The following COL23A1 variants were observed in gnomAD, a reference collection of about 807,000 sequenced individuals.
COL23A1 encodes the protein collagen type XXIII alpha 1 chain.
A neutral mutation model predicts 99.3 loss-of-function variants in COL23A1; 97 were observed. The observed-to-expected ratio is 0.98, with a 90% CI of 0.83 to 1.16. The LOEUF (loss-of-function observed/expected upper bound fraction) is 1.16, where lower values mean the gene tolerates loss of function less well. COL23A1 is among the 50% of genes most tolerant of loss of function. COL23A1 has a pLI of 0.00. For missense variants in COL23A1, 762 were observed against 757.4 expected, an observed-to-expected ratio of 1.01 and a Z score of -0.07; for synonymous variants, 320 against 308.2, an observed-to-expected ratio of 1.04 and a Z score of -0.40.
chr5:178,531,583 C>T (rs536413054), intron 2 of COL23A1, among the ~76,000 whole-genome samples: 112 of 152,310 alleles, frequency 7.4e-4, no homozygotes, highest in African/African-American at 2.6e-3. Context: ...ATAATCCCCC[C>T]GTGTTTAAGT....
intron 5 of COL23A1, among the ~76,000 whole-genome samples, chr5:178,271,486 C>T (rs1756284735): frequency 6.6e-6 from 1 of 152,200 alleles, no homozygotes; most frequent in African/African-American, 2.4e-5. Context: ...TGTCCCTGTT[C>T]CCACCACATA....
rs1208089062 is a variant in COL23A1, at chr5:178,357,778, ATGTGTATGTGTG to A, written c.362-50871_362-50860del. Among the ~76,000 whole-genome samples, 194 of 137,486 alleles carry A rather than the reference ATGTGTATGTGTG, an allele frequency of 1.4e-3. No individual in the cohort carries two copies. The Middle Eastern group carries it at 0.028, about 20-fold the overall frequency. The allele number at this position is 137,486 out of a possible 152,430, so 90.2% of individuals were successfully genotyped here. On this transcript the variant is annotated intron_variant, in intron 2 of 28. Transcript: ENST00000390654. ...TGTGTGTACGTGTATGTATGTGTGTATGTGTATGTGTGTGTGTATGTGTGTGTGTATGTGTGT... is the reference window on the plus strand; with the variant it reads ...TGTGTGTACGTGTATGTATGTGTGTATGTGTATGTGTGTGTGTATGTGTGT...
chr5:178,560,732 G>C lies in COL23A1; in HGVS notation c.311C>G (p.Ala104Gly), dbSNP rs761808740. 1.9e-6 allele frequency: 3 copies of C among 1,611,656 alleles called. No homozygotes were observed. Among genetic ancestry groups the C allele is most frequent in the Non-Finnish European group, 2.5e-6 (3 of 1,179,414 alleles). ...RLLREKLDGL[A>G]KIRTAREAPS... ...AGCTTCCCGAGCAGTCCGGATCTTC[G>C]CTAGTCCGTCCAACTTCTGAGCCGG... is the stretch of plus-strand genomic sequence containing the variant. Residue 104 changes from alanine (A) to glycine (G), a missense_variant, in exon 2 of 29, where the codon GCG (alanine) becomes GGG (glycine). Ala to Gly is a moderately conservative substitution (Grantham distance 60). Transcript: ENST00000390654.
At chr5:178,573,335 G>A (rs894191022) in intron 1 of COL23A1, among the ~76,000 whole-genome samples, 8 of 152,184 alleles carry the variant, frequency 5.3e-5, no homozygotes, top group African/African-American at 1.7e-4. Flanking sequence ...GCCTGGGTTC[G>A]GTGACAGGTA....
chr5:178,345,783 C>T (rs918319777), intron 2 of COL23A1, among the ~76,000 whole-genome samples: 3 of 152,020 alleles, frequency 2.0e-5, no homozygotes, highest in African/African-American at 7.3e-5. Flanking sequence ...CCTCAGCCTC[C>T]CAAAGTGCTG....
At chr5:178,493,295 C>A (rs1056748083) in intron 2 of COL23A1, among the ~76,000 whole-genome samples, 15 of 152,246 alleles carry the variant, frequency 9.9e-5, no homozygotes, top group African/African-American at 3.6e-4. Flanking sequence ...TCAGTCCACA[C>A]TGAACCCTGC....
chr5:178,327,579 G>A (rs2973689), intron 2 of COL23A1, among the ~76,000 whole-genome samples: 2 of 151,964 alleles, frequency 1.3e-5, no homozygotes, highest in South Asian at 2.1e-4. Context: ...CTGGGGGGCC[G>A]GTGTTGCCAG....
chr5:178,303,922 C>T lies in COL23A1; in HGVS notation c.406+2953G>A, dbSNP rs1016325350. ...CGAGAGAAGGGGAGAGTGATGGACA[C>T]TCTTGGGGATAAGAGGGTCTGGGAG... On this transcript the variant is annotated intron_variant, in intron 3 of 28. Transcript: ENST00000390654. 2.0e-5 allele frequency among the ~76,000 whole-genome samples: 3 copies of T among 152,312 alleles called. No individual in the cohort carries two copies. In the South Asian group the frequency reaches 6.2e-4, roughly 32 times the overall value.
At chr5:178,575,438 T>C (rs1365252925) in intron 1 of COL23A1, among the ~76,000 whole-genome samples, 1 of 152,256 alleles carries the variant, frequency 6.6e-6, no homozygotes, top group East Asian at 1.9e-4. Flanking sequence ...AACAGCAACA[T>C]GTTTTTCGTG....
rs188911099 is a variant in COL23A1 at position 178,308,883 on chromosome 5, C to T, written c.362-1964G>A. Among the ~76,000 whole-genome samples, 542 of 152,224 alleles carry T rather than the reference C, an allele frequency of 3.6e-3. 2 individuals are homozygous for T. Among genetic ancestry groups the T allele is most frequent in the Middle Eastern group, 0.027 (8 of 292 alleles). On this transcript the variant is annotated intron_variant, in intron 2 of 28. Coordinates refer to ENST00000390654, the MANE Select transcript of COL23A1 (RefSeq NM_173465.4). The surrounding 1 kb of genome is among the most constrained non-coding windows in gnomAD (Gnocchi z 5.1). ...TTTCAATGAGAGCGAGGTACGGGAACGGGAGCCCCCCGGCACACGCAGCAC... is the reference window on the plus strand; with the variant it reads ...TTTCAATGAGAGCGAGGTACGGGAATGGGAGCCCCCCGGCACACGCAGCAC...
At chr5:178,368,423 G>A (rs1762611230) in intron 2 of COL23A1, among the ~76,000 whole-genome samples, 1 of 152,186 alleles carries the variant, frequency 6.6e-6, no homozygotes, top group African/African-American at 2.4e-5. Flanking sequence ...TCTGTCGGCT[G>A]ATGAACCCAC....
At chr5:178,385,203 C>A (rs917935997) in intron 2 of COL23A1, among the ~76,000 whole-genome samples, 4 of 152,130 alleles carry the variant, frequency 2.6e-5, no homozygotes, top group African/African-American at 4.8e-5. Flanking sequence ...GCTCCTGGAG[C>A]CTCTCAGACT....
rs373826305 is a variant in COL23A1 at position 178,429,836 on chromosome 5, G to A, written c.362-122917C>T. 3.3e-4 allele frequency among the ~76,000 whole-genome samples: 51 copies of A among 152,246 alleles called. No homozygotes were observed. The East Asian group carries it at 6.2e-3, about 18-fold the overall frequency. The stretch of plus-strand genomic sequence containing the variant: ...CCTCTGCTTAGAGGGTCTACAGTGT[G>A]GCCCTACTTCCTTTCCCTGACCTAT... On this transcript the variant is annotated intron_variant, in intron 2 of 28. Transcript: ENST00000390654.
chr5:178,417,545 C>T (rs1279267119), intron 2 of COL23A1, among the ~76,000 whole-genome samples: 1 of 152,200 alleles, frequency 6.6e-6, no homozygotes, highest in Non-Finnish European at 1.5e-5. Context: ...CCATTCCATC[C>T]CCCATTCCCC....
intron 2 of COL23A1, among the ~76,000 whole-genome samples, chr5:178,358,062 T>C (rs1312276334): frequency 7.7e-6 from 1 of 130,524 alleles, no homozygotes; most frequent in Non-Finnish European, 1.6e-5. Flanking sequence ...CTAATGTATG[T>C]GTATTGTGTG....
chr5:178,326,285 C>T (rs547466558), intron 2 of COL23A1, among the ~76,000 whole-genome samples: 14 of 152,244 alleles, frequency 9.2e-5, no homozygotes, highest in East Asian at 7.7e-4. Context: ...CTGGGGAATG[C>T]GTGTATTTCT....
chr5:178,564,363 GA>G (rs1351547684), intron 1 of COL23A1, among the ~76,000 whole-genome samples: 1 of 151,528 alleles, frequency 6.6e-6, no homozygotes, highest in Non-Finnish European at 1.5e-5. Flanking sequence ...AATACAAAGT[GA>G]AATGTTTGAA....
chr5:178,516,613 T>C (rs760892676), intron 2 of COL23A1, among the ~76,000 whole-genome samples: 52 of 152,352 alleles, frequency 3.4e-4, no homozygotes, highest in Non-Finnish European at 5.9e-4. Context: ...CGCCAGGCCC[T>C]GTCTCTTTCC....
At chr5:178,402,383 C>T (rs1214502493) in intron 2 of COL23A1, among the ~76,000 whole-genome samples, 1 of 151,960 alleles carries the variant, frequency 6.6e-6, no homozygotes, top group Non-Finnish European at 1.5e-5. Context: ...CTCACGAAGA[C>T]AGAGAGTAGA....
Sources: gnomAD v4.1 joint callset for allele counts (sites outside exome capture counted in the v4.1 genomes callset) on GRCh38, gnomAD v4.1.1 for gene constraint, Gnocchi (gnomAD v3.1) non-coding constraint, MANE v1.5 for transcripts, NCBI Gene and HGNC (gene_info 2026-07-23, HGNC 2026-07-21) for gene names.